The following CNTNAP5 variants were observed in gnomAD, a reference collection of about 807,000 sequenced individuals.
CNTNAP5 encodes the protein contactin-associated protein-like 5.
A neutral mutation model predicts 150.2 loss-of-function variants in CNTNAP5; 72 were observed. That is an observed-to-expected ratio of 0.48 (90% CI 0.40 to 0.58). CNTNAP5 has a LOEUF of 0.58. Ranked by LOEUF, CNTNAP5 falls within the 20% of genes least tolerant of loss-of-function variation. CNTNAP5 has a pLI of 0.00. For synonymous variants in CNTNAP5, 672 were observed against 619.8 expected (o/e 1.08, Z -1.25); for missense variants, 1,636 against 1,626.2 (o/e 1.01, Z -0.10).
At chr2:124,630,991 A>G (rs1411986790) in intron 12 of CNTNAP5, among the ~76,000 whole-genome samples, 1 of 152,172 alleles carries the variant, frequency 6.6e-6, no homozygotes, top group Non-Finnish European at 1.5e-5. Flanking sequence ...CAAAGAACAT[A>G]AAATACTTAG....
chr2:124,730,972 G>A (rs1680258850), intron 13 of CNTNAP5, among the ~76,000 whole-genome samples: 2 of 152,036 alleles, frequency 1.3e-5, no homozygotes, highest in Non-Finnish European at 1.5e-5. Flanking sequence ...TCTAGTCTGT[G>A]TAATTGCAAA....
intron 11 of CNTNAP5, among the ~76,000 whole-genome samples, chr2:124,588,177 C>CTTTCT (rs1696591209): frequency 1.6e-4 from 18 of 110,922 alleles, no homozygotes; most frequent in African/African-American, 3.9e-4. Context: ...TCCTTCCTTC[C>CTTTCT]TTCTTTCTTT....
intron 7 of CNTNAP5, 80 bp from the exon 8 acceptor site, chr2:124,504,212 T>C (rs1276472196): frequency 6.5e-6 from 9 of 1,394,254 alleles, no homozygotes; most frequent in Non-Finnish European, 9.0e-6. Flanking sequence ...TAAGGTCAGC[T>C]CCAGGTGGTT....
intron 3 of CNTNAP5, among the ~76,000 whole-genome samples, chr2:124,408,905 A>G (rs1691669885): frequency 6.6e-6 from 1 of 152,174 alleles, no homozygotes; most frequent in Non-Finnish European, 1.5e-5. Context: ...TGACGAGCTG[A>G]GAGAAGGAGG....
chr2:124,561,303 G>GC (rs1435152551), intron 10 of CNTNAP5, among the ~76,000 whole-genome samples: 1 of 152,168 alleles, frequency 6.6e-6, no homozygotes, highest in Non-Finnish European at 1.5e-5. Context: ...AACAGTGCTA[G>GC]CCCCCCAGGA....
At chr2:124,682,388 A>G (rs907872067) in intron 13 of CNTNAP5, among the ~76,000 whole-genome samples, 3 of 152,138 alleles carry the variant, frequency 2.0e-5, no homozygotes, top group Non-Finnish European at 4.4e-5. Context: ...CAATTAAATA[A>G]CCACCACACT....
At chr2:124,287,883 T>A (rs528876099) in intron 3 of CNTNAP5, among the ~76,000 whole-genome samples, 1 of 152,328 alleles carries the variant, frequency 6.6e-6, no homozygotes, top group East Asian at 1.9e-4. Flanking sequence ...TTATAATGAA[T>A]ACTGACTAAT....
intron 1 of CNTNAP5, among the ~76,000 whole-genome samples, chr2:124,147,242 C>A (rs1241032927): frequency 6.6e-6 from 1 of 151,918 alleles, no homozygotes; most frequent in Non-Finnish European, 1.5e-5. Context: ...ATACTTTGGG[C>A]AAGGTTTGTT....
At chr2:124,774,294 T>G (rs1681273832) in intron 17 of CNTNAP5, among the ~76,000 whole-genome samples, 1 of 152,152 alleles carries the variant, frequency 6.6e-6, no homozygotes, top group Non-Finnish European at 1.5e-5. Flanking sequence ...GAAGTTTCCT[T>G]ACTTGCTTCC....
intron 11 of CNTNAP5, among the ~76,000 whole-genome samples, chr2:124,579,312 T>G (rs536470294): frequency 1.3e-5 from 2 of 152,344 alleles, no homozygotes; most frequent in South Asian, 2.1e-4. Context: ...CACAAAATAT[T>G]TTATATTCTC....
chr2:124,646,142 T>C (rs541251376), intron 12 of CNTNAP5, among the ~76,000 whole-genome samples: 14 of 152,264 alleles, frequency 9.2e-5, no homozygotes, highest in Admixed American at 8.5e-4. Context: ...CCTTTAGAGG[T>C]AATTAAAATC....
intron 11 of CNTNAP5, among the ~76,000 whole-genome samples, chr2:124,576,752 G>T (rs1235693094): frequency 2.0e-5 from 3 of 152,134 alleles, no homozygotes; most frequent in African/African-American, 7.2e-5. Flanking sequence ...CAGAACGTTA[G>T]TTCTCTCATC....
chr2:124,349,948 G>A (rs1440528201), intron 3 of CNTNAP5, among the ~76,000 whole-genome samples: 1 of 134,828 alleles, frequency 7.4e-6, no homozygotes, highest in Non-Finnish European at 1.5e-5. Context: ...GCAACGGCGC[G>A]ATCTTGGCTC....
At chr2:124,812,533 T>G (rs910937437) in intron 19 of CNTNAP5, among the ~76,000 whole-genome samples, 4 of 152,124 alleles carry the variant, frequency 2.6e-5, no homozygotes, top group Non-Finnish European at 5.9e-5. Context: ...AACCCAGACC[T>G]TAAATCTCAT....
chr2:124,242,111 C>T lies in CNTNAP5; in HGVS notation c.188-89C>T. The stretch of plus-strand genomic sequence containing the variant: ...TGGGGGTAGAGTCATCTTAGTTGAA[C>T]ACTGTTTCATTTCCCTTTGATAGTT... On this transcript the variant is annotated intron_variant, in intron 2 of 23. Transcript: ENST00000682447. The T allele has an allele frequency of 7.6e-6, 8 of 1,059,556 alleles. No homozygotes were observed. In the South Asian group the frequency reaches 1.1e-4, roughly 14 times the overall value. 65.6% of individuals were successfully genotyped at this position (1,059,556 alleles called of 1,614,324 possible).
intron 1 of CNTNAP5, among the ~76,000 whole-genome samples, chr2:124,156,040 A>T (rs1314327458): frequency 6.6e-6 from 1 of 152,232 alleles, no homozygotes; most frequent in Non-Finnish European, 1.5e-5. Flanking sequence ...GTGCATCTAA[A>T]AAAGGGTTCA....
intron 13 of CNTNAP5, among the ~76,000 whole-genome samples, chr2:124,713,879 C>G (rs552658517): frequency 3.3e-5 from 5 of 152,266 alleles, no homozygotes; most frequent in African/African-American, 1.2e-4. Context: ...GACTCCCCAT[C>G]TCTCCTCCCT....
intron 5 of CNTNAP5, 43 bp from the exon 6 acceptor site, chr2:124,446,710 C>T (rs1282121802): frequency 1.3e-6 from 2 of 1,591,164 alleles, no homozygotes; most frequent in Non-Finnish European, 1.7e-6. Context: ...GCAAAGCTGC[C>T]CTTGGACACA....
At chr2:124,507,415 C>T (rs75689044) in intron 8 of CNTNAP5, among the ~76,000 whole-genome samples, 3,639 of 152,126 alleles carry the variant, frequency 0.024, 89 homozygotes, top group African/African-American at 0.056. Flanking sequence ...GGCATAATCA[C>T]GCCGCTGCAC....
Sources: allele counts gnomAD v4.1 joint callset (sites outside exome capture counted in the v4.1 genomes callset), GRCh38; gene constraint gnomAD v4.1.1; transcripts MANE v1.5; gene names NCBI Gene and HGNC (gene_info 2026-07-23, HGNC 2026-07-21).